ZFPM2: variants seen among roughly 807,000 people sequenced by gnomAD.
ZFPM2 encodes zinc finger protein, FOG family member 2.
Under a neutral mutation model 98.6 loss-of-function variants are expected in ZFPM2, and 20 were observed. The observed-to-expected ratio is 0.20, with a 90% confidence interval of 0.14 to 0.29. ZFPM2 has a LOEUF of 0.29. Among genes scored for constraint, ZFPM2 ranks in the 10% least tolerant of loss-of-function variants. The pLI is 1.00. For synonymous variants in ZFPM2, 518 were observed against 502.7 expected, an observed-to-expected ratio of 1.03 and a Z score of -0.41; for missense variants, 1,310 against 1,388.6, an observed-to-expected ratio of 0.94 and a Z score of 0.90.
chr8:105,666,592 A>G (rs1468782283), intron 5 of ZFPM2, among the ~76,000 whole-genome samples: 2 of 152,250 alleles, frequency 1.3e-5, no homozygotes, highest in African/African-American at 2.4e-5. Context: ...AGTGTGGTCC[A>G]TAGACCACTA....
At chr8:105,396,066 A>G (rs532111885) in intron 1 of ZFPM2, among the ~76,000 whole-genome samples, 2 of 152,054 alleles carry the variant, frequency 1.3e-5, no homozygotes, top group African/African-American at 4.8e-5. Context: ...TTATTTTTCC[A>G]TTGTTTACAA....
intron 1 of ZFPM2, among the ~76,000 whole-genome samples, chr8:105,324,299 A>G (rs1313281332): frequency 1.3e-5 from 2 of 151,820 alleles, no homozygotes; most frequent in Non-Finnish European, 3.0e-5. Flanking sequence ...TGTTTTGCCT[A>G]TATCTATATG....
chr8:105,338,176 C>T (rs1812361714), intron 1 of ZFPM2, among the ~76,000 whole-genome samples: 1 of 151,502 alleles, frequency 6.6e-6, no homozygotes, highest in Admixed American at 6.6e-5. Flanking sequence ...AATAAAGGTC[C>T]ACCTTTATTT....
At chr8:105,697,107 T>C (rs1369632817) in intron 5 of ZFPM2, among the ~76,000 whole-genome samples, 1 of 152,102 alleles carries the variant, frequency 6.6e-6, no homozygotes, top group East Asian at 1.9e-4. Context: ...AAAATCCGAG[T>C]CTATGAGATA....
At chr8:105,447,783 G>A (rs1315567780) in intron 3 of ZFPM2, among the ~76,000 whole-genome samples, 2 of 151,986 alleles carry the variant, frequency 1.3e-5, no homozygotes, top group East Asian at 3.9e-4. Context: ...TTTGATTGAC[G>A]ACGACTCCAC....
intron 5 of ZFPM2, among the ~76,000 whole-genome samples, chr8:105,783,771 A>G (rs1200974974): frequency 1.5e-5 from 2 of 136,532 alleles, no homozygotes; most frequent in Non-Finnish European, 3.2e-5. Context: ...CATGTTTCTT[A>G]TCCATTCCTC....
intron 5 of ZFPM2, among the ~76,000 whole-genome samples, chr8:105,686,267 G>A (rs1275656505): frequency 6.6e-6 from 1 of 152,046 alleles, no homozygotes; most frequent in Non-Finnish European, 1.5e-5. Flanking sequence ...AGTTCAGCTT[G>A]CCAACCAAGA....
At chr8:105,515,159 A>C (rs1813893600) in intron 3 of ZFPM2, among the ~76,000 whole-genome samples, 1 of 152,238 alleles carries the variant, frequency 6.6e-6, no homozygotes, top group African/African-American at 2.4e-5. Flanking sequence ...AAGTTACTGG[A>C]ACTATTGAAG....
chr8:105,436,747 C>A (rs919823025), intron 2 of ZFPM2, among the ~76,000 whole-genome samples: 18 of 152,114 alleles, frequency 1.2e-4, no homozygotes, highest in Non-Finnish European at 2.4e-4. Flanking sequence ...CCACATCTCT[C>A]CCCCTTGGTT....
intron 5 of ZFPM2, among the ~76,000 whole-genome samples, chr8:105,768,352 A>C (rs1812903030): frequency 6.6e-6 from 1 of 151,982 alleles, no homozygotes; most frequent in South Asian, 2.1e-4. Context: ...GAAATGTATA[A>C]ATATCTCTAG....
In ZFPM2 at chr8:105,318,827, GGCGGGCCGAGCCTGGCCA is replaced by G. The variant is rs1385417041; in HGVS notation, c.-110_-93del. ...CCGGAGCACCTGGAGTCCGGCCGGC[GGCGGGCCGAGCCTGGCCA>G]GCGGCGGCGGCGGCGGCGGCGGCGG... is the stretch of plus-strand genomic sequence containing the variant. On this transcript the variant is annotated 5_prime_UTR_variant, in exon 1 of 8. Coordinates refer to ENST00000407775, the MANE Select transcript of ZFPM2 (RefSeq NM_012082.4). 3.1e-5 allele frequency: 17 copies of G among 547,426 alleles called. No individual in the cohort carries two copies. In the East Asian group the frequency reaches 1.1e-3, roughly 35 times the overall value. 33.9% of individuals were successfully genotyped at this position (547,426 alleles called of 1,614,324 possible).
intron 1 of ZFPM2, among the ~76,000 whole-genome samples, chr8:105,414,459 G>A (rs1811638899): frequency 6.6e-6 from 1 of 151,938 alleles, no homozygotes; most frequent in Admixed American, 6.6e-5. Context: ...TTATTATTGA[G>A]ACAATGTCTG....
intron 5 of ZFPM2, chr8:105,684,778 C>G (rs569765007): frequency 6.6e-6 from 1 of 152,048 alleles, no homozygotes; most frequent in South Asian, 2.1e-4. Flanking sequence ...ATACCAGGAG[C>G]GTGTAAAAAT....
intron 4 of ZFPM2, among the ~76,000 whole-genome samples, chr8:105,570,985 A>C (rs1429377625): frequency 6.6e-6 from 1 of 152,212 alleles, no homozygotes; most frequent in Non-Finnish European, 1.5e-5. Context: ...TTCAGTTATT[A>C]GGACGATTAG....
At chr8:105,336,000 A>G (rs1407456981) in intron 1 of ZFPM2, among the ~76,000 whole-genome samples, 1 of 151,856 alleles carries the variant, frequency 6.6e-6, no homozygotes, top group Non-Finnish European at 1.5e-5. Context: ...TGTTAACTTT[A>G]CATTGCAAAA....
chr8:105,393,322 C>CTT (rs67700473), intron 1 of ZFPM2, among the ~76,000 whole-genome samples: 2 of 59,312 alleles, frequency 3.4e-5, no homozygotes, highest in African/African-American at 1.1e-4. Flanking sequence ...TCTTCCTTCC[C>CTT]TCTCTCTCTC....
chr8:105,465,723 T>G (rs1812785545), intron 3 of ZFPM2, among the ~76,000 whole-genome samples: 1 of 151,968 alleles, frequency 6.6e-6, no homozygotes. Flanking sequence ...GCTATTTCAG[T>G]AAGGTGCCTG....
intron 3 of ZFPM2, among the ~76,000 whole-genome samples, chr8:105,526,758 A>G (rs1172223775): frequency 6.6e-6 from 1 of 152,164 alleles, no homozygotes; most frequent in Non-Finnish European, 1.5e-5. Flanking sequence ...TAATTCCATA[A>G]AAGTATGATT....
chr8:105,566,893 G>C (rs1263183733), intron 4 of ZFPM2, among the ~76,000 whole-genome samples: 2 of 151,914 alleles, frequency 1.3e-5, no homozygotes, highest in East Asian at 3.9e-4. Flanking sequence ...TTCCCACAGG[G>C]TATTTGTGAT....
Sources: gnomAD v4.1 joint callset for allele counts (sites outside exome capture counted in the v4.1 genomes callset) on GRCh38, gnomAD v4.1.1 for gene constraint, MANE v1.5 for transcripts, NCBI Gene and HGNC (gene_info 2026-07-23, HGNC 2026-07-21) for gene names.